The following CACNA1H variants were observed in gnomAD, a reference collection of about 807,000 sequenced individuals.
The protein encoded by CACNA1H is voltage-dependent T-type calcium channel subunit alpha-1H.
Under a neutral mutation model 192.5 loss-of-function variants are expected in CACNA1H, and 149 were observed. That is an observed-to-expected ratio of 0.77 (90% confidence interval 0.68 to 0.89). CACNA1H has a LOEUF of 0.89. CACNA1H is among the 40% of genes least tolerant of loss of function. The pLI is 0.00. For missense variants in CACNA1H, 4,257 were observed against 3,423.5 expected (o/e 1.24, Z -6.08); for synonymous variants, 2,202 against 1,475.2 (o/e 1.49, Z -11.29).
At chr16:1,212,186 G>A in intron 25 of CACNA1H, 48 bp downstream of exon 25, 1 of 1,549,278 alleles carries the variant, frequency 6.5e-7, no homozygotes, top group Non-Finnish European at 8.7e-7. Flanking sequence ...GTACCTGTGT[G>A]CCCACCGGGC....
chr16:1,176,674 A>G (rs1964921871), intron 2 of CACNA1H, among the ~76,000 whole-genome samples: 1 of 152,162 alleles, frequency 6.6e-6, no homozygotes, highest in Non-Finnish European at 1.5e-5. Context: ...CAGGGGGCTG[A>G]TGGGGGTCCG....
intron 2 of CACNA1H, among the ~76,000 whole-genome samples, chr16:1,168,496 C>T (rs909229981): frequency 3.3e-5 from 5 of 151,978 alleles, no homozygotes; most frequent in Admixed American, 1.3e-4. Flanking sequence ...GCTTCCCTGC[C>T]GGGTGCCCAG....
At chr16:1,175,081 C>T (rs1026922372) in intron 2 of CACNA1H, among the ~76,000 whole-genome samples, 1 of 152,160 alleles carries the variant, frequency 6.6e-6, no homozygotes, top group African/African-American at 2.4e-5. Context: ...AGGTCAACTT[C>T]CACAGGCCCG....
chr16:1,160,279 G>C (rs1963018222), intron 2 of CACNA1H: 1 of 152,242 alleles, frequency 6.6e-6, no homozygotes, highest in Non-Finnish European at 1.5e-5. Flanking sequence ...AGTGGCTCAT[G>C]TTGGCGTAAC....
In CACNA1H at chr16:1,210,567, C is replaced by T. The variant is rs750795244; in HGVS notation, c.3970-16C>T. 41 of 1,609,694 alleles carry T rather than the reference C, an allele frequency of 2.5e-5. No homozygotes were observed. Among genetic ancestry groups the T allele is most frequent in the Admixed American group, 5.0e-5 (3 of 59,978 alleles). On this transcript the variant is annotated splice_polypyrimidine_tract_variant and intron_variant, in intron 19 of 34. Coordinates refer to ENST00000348261, the MANE Select transcript of CACNA1H (RefSeq NM_021098.3). ...GGGTGGAGTGGACACAGCCCCCCACCGTCCTCTCCCGGCAGGAGCGGGTCT... is the reference window on the plus strand; with the variant it reads ...GGGTGGAGTGGACACAGCCCCCCACTGTCCTCTCCCGGCAGGAGCGGGTCT...
rs770865543 is a variant in CACNA1H at position 1,220,522 on chromosome 16, C to T, written c.6590C>T (p.Pro2197Leu). The T allele has an allele frequency of 2.0e-6, 3 of 1,537,304 alleles. No homozygotes were observed. The highest frequency in any genetic ancestry group is 1.3e-5 in the South Asian group (1 of 77,122). Reference sequence around the variant, plus strand: ...CCCCCCTGCATCTCGGTGGAACCCCCTGCGGAGGACGAGGGCTCTGCGCGG... The same window carrying T: ...CCCCCCTGCATCTCGGTGGAACCCCTTGCGGAGGACGAGGGCTCTGCGCGG... Reference protein sequence around the residue: ...MSPPCISVEPPAEDEGSARPS... With the variant: ...MSPPCISVEPLAEDEGSARPS... The change falls in exon 35 of 35, where the codon CCT (proline) becomes CTT (leucine). Residue 2197 changes from proline to leucine, a missense_variant. Physicochemically the swap from Pro to Leu is moderately conservative, Grantham distance 98. Transcript: ENST00000348261.
At chr16:1,194,416 G>A (rs866183692) in intron 2 of CACNA1H, among the ~76,000 whole-genome samples, 1 of 152,286 alleles carries the variant, frequency 6.6e-6, no homozygotes, top group Admixed American at 6.5e-5. Flanking sequence ...GGGTGGGGCC[G>A]CGCAGCCCTG....
Position 1,205,196 on chromosome 16 carries a change from T to C in CACNA1H, c.2534T>C (p.Leu845Pro). 3 of 1,613,118 alleles carry C rather than the reference T, an allele frequency of 1.9e-6. No homozygotes were observed. Among genetic ancestry groups the C allele is most frequent in the Non-Finnish European group, 2.5e-6 (3 of 1,179,778 alleles). ...MFALEMLLKL[L>P]ACGPLGYIRN... Reference sequence around the variant, plus strand: ...GCCCTGGAGATGCTGCTGAAGCTGCTGGCCTGCGGCCCTCTGGGCTACATC... The same window carrying C: ...GCCCTGGAGATGCTGCTGAAGCTGCCGGCCTGCGGCCCTCTGGGCTACATC... The change falls in exon 11 of 35, where the codon CTG (leucine) becomes CCG (proline). Residue 845 changes from leucine to proline, a missense_variant. Physicochemically the swap from Leu to Pro is moderately conservative, Grantham distance 98. Transcript: ENST00000348261.
Position 1,202,919 on chromosome 16 carries a change from G to A in CACNA1H, c.2002+467G>A, listed in dbSNP as rs540167990. On this transcript the variant is annotated intron_variant, in intron 9 of 34. Coordinates refer to ENST00000348261, the MANE Select transcript of CACNA1H (RefSeq NM_021098.3). ...CCGTCGCAGAGTCACCGAGAGTCAGGAAGAGAGGCTGGCGTGGGGTTCTCC... is the reference window on the plus strand; with the variant it reads ...CCGTCGCAGAGTCACCGAGAGTCAGAAAGAGAGGCTGGCGTGGGGTTCTCC... 2.0e-5 allele frequency among the ~76,000 whole-genome samples: 3 copies of A among 152,210 alleles called. No homozygotes were observed. In the South Asian group the frequency reaches 6.2e-4, roughly 32 times the overall value.
chr16:1,194,381 C>T (rs1275172154), intron 2 of CACNA1H, among the ~76,000 whole-genome samples: 3 of 152,192 alleles, frequency 2.0e-5, no homozygotes, highest in Admixed American at 6.5e-5. Flanking sequence ...ATTGCCTCTC[C>T]CTCCTTCCTC....
chr16:1,212,470 G>A (rs749827453), intron 25 of CACNA1H, 41 bp from the exon 26 acceptor site: 32 of 1,596,218 alleles, frequency 2.0e-5, no homozygotes, highest in African/African-American at 2.7e-5. Context: ...GCCCGAGTGC[G>A]CCACGCCCTC....
rs372174504 is a variant in CACNA1H at position 1,220,223 on chromosome 16, C to T, written c.6291C>T (p.Ala2097=). The T allele has an allele frequency of 4.4e-6, 7 of 1,577,486 alleles. No homozygotes were observed. The highest frequency in any genetic ancestry group is 3.4e-5 in the South Asian group (3 of 87,746). ...GGEEAEASDP[A]DEEVSHITSS... ...AGGAGGCCGAGGCCTCGGACCCAGC[C>T]GACGAGGAGGTCAGCCACATCACCA... The change falls in exon 35 of 35, where the codon GCC becomes GCT. Residue 2097 remains alanine, a synonymous_variant. Coordinates refer to ENST00000348261, the MANE Select transcript of CACNA1H (RefSeq NM_021098.3).
chr16:1,211,666 C>G lies in CACNA1H; in HGVS notation c.4477-50C>G, dbSNP rs200950118. ...CCAGGACACCCTGGAGCGAGAGGGC[C>G]GGCGACCCCAGCTCTAACCCTCGCC... is the stretch of plus-strand genomic sequence containing the variant. On this transcript the variant is annotated intron_variant, in intron 23 of 34. Transcript: ENST00000348261. 5.6e-6 allele frequency: 9 copies of G among 1,610,062 alleles called. No individual in the cohort carries two copies. The East Asian group carries it at 1.8e-4, about 32-fold the overall frequency.
chr16:1,172,497 C>CGT (rs1964467423), intron 2 of CACNA1H, among the ~76,000 whole-genome samples: 1 of 152,160 alleles, frequency 6.6e-6, no homozygotes, highest in Non-Finnish European at 1.5e-5. Flanking sequence ...CAGCAGGACA[C>CGT]GTAAGTACCT....
Position 1,207,449 on chromosome 16 carries a change from G to C in CACNA1H, c.3063+19G>C. On this transcript the variant is annotated intron_variant, in intron 14 of 34. Coordinates refer to ENST00000348261, the MANE Select transcript of CACNA1H (RefSeq NM_021098.3). ...GGCGGAGGTGAGGGGGCAGGGAGAG[G>C]GGCTGCCAGGAGGAGGGCGATGAGA... 6.2e-7 allele frequency: 1 copy of C among 1,610,444 alleles called. No homozygotes were observed. Among genetic ancestry groups the C allele is most frequent in the South Asian group, 1.1e-5 (1 of 90,806 alleles).
Position 1,198,686 on chromosome 16 carries a change from T to C in CACNA1H, c.715T>C (p.Phe239Leu). Residue 239 changes from phenylalanine (F) to leucine (L), a missense_variant, in exon 6 of 35, where the codon TTC becomes CTC. Coordinates refer to ENST00000348261, the MANE Select transcript of CACNA1H (RefSeq NM_021098.3). ...CGGGAACGTCCTTCTGCTGTGCTTC[T>C]TCGTCTTCTTCATTTTCGGCATCGT... ...MLGNVLLLCFFVFFIFGIVGV... is the reference protein window; with the variant it reads ...MLGNVLLLCFLVFFIFGIVGV... 1 of 1,613,514 alleles carries C rather than the reference T, an allele frequency of 6.2e-7. No homozygotes were observed. The highest frequency in any genetic ancestry group is 8.5e-7 in the Non-Finnish European group (1 of 1,179,644).
chr16:1,190,826 G>C (rs1048499306), intron 2 of CACNA1H, among the ~76,000 whole-genome samples: 12 of 151,616 alleles, frequency 7.9e-5, no homozygotes, highest in African/African-American at 2.9e-4. Context: ...CCAAGAGCTG[G>C]GACCCGTCAG....
chr16:1,181,275 AC>A (rs1169127739), intron 2 of CACNA1H, among the ~76,000 whole-genome samples: 2 of 152,170 alleles, frequency 1.3e-5, no homozygotes, highest in Non-Finnish European at 2.9e-5. Flanking sequence ...AGGAGCTCTC[AC>A]CCGGCATGGC....
chr16:1,200,236 C>A lies in CACNA1H; in HGVS notation c.804-20C>A. ...CTGACCCTGATTGTACCTTTTGGCC[C>A]TGGCTGTGCCCATCCCCAGGAACAA... is the stretch of plus-strand genomic sequence containing the variant. On this transcript the variant is annotated intron_variant, in intron 6 of 34. Transcript: ENST00000348261. The A allele has an allele frequency of 1.3e-6, 2 of 1,575,262 alleles. No individual in the cohort carries two copies. The highest frequency in any genetic ancestry group is 2.3e-5 in the East Asian group (1 of 43,414).
Sources: allele counts gnomAD v4.1 joint callset (sites outside exome capture counted in the v4.1 genomes callset), GRCh38; gene constraint gnomAD v4.1.1; transcripts MANE v1.5; gene names NCBI Gene and HGNC (gene_info 2026-07-23, HGNC 2026-07-21).